The following WNK2 variants were observed in gnomAD, a reference collection of about 807,000 sequenced individuals.
WNK2 encodes serine/threonine-protein kinase WNK2.
A neutral mutation model predicts 192.1 loss-of-function variants in WNK2; 67 were observed. The observed-to-expected ratio is 0.35, with a 90% CI of 0.29 to 0.43. The LOEUF (loss-of-function observed/expected upper bound fraction) is 0.43. Among genes scored for constraint, WNK2 ranks in the 20% least tolerant of loss-of-function variants. The pLI is 1.00. For synonymous variants in WNK2, 1,439 were observed against 1,393.9 expected (o/e 1.03, Z -0.72); for missense variants, 2,698 against 3,089.7 (o/e 0.87, Z 3.01).
intron 7 of WNK2, among the ~76,000 whole-genome samples, chr9:93,241,812 G>T (rs1455831625): frequency 6.6e-6 from 1 of 152,162 alleles, no homozygotes; most frequent in African/African-American, 2.4e-5. Flanking sequence ...CATGGTGTAG[G>T]TTACGCCGTG....
chr9:93,267,738 C>T lies in WNK2; in HGVS notation c.3697-8C>T, dbSNP rs1189148522. 24 of 1,577,782 alleles carry T rather than the reference C, an allele frequency of 1.5e-5. No individual in the cohort carries two copies. Among genetic ancestry groups the T allele is most frequent in the Non-Finnish European group, 2.1e-5 (24 of 1,160,632 alleles). On this transcript the variant is annotated splice_region_variant and splice_polypyrimidine_tract_variant and intron_variant, in intron 16 of 29. Coordinates refer to ENST00000427277, the MANE Select transcript of WNK2 (RefSeq NM_006648.4). ...GCTGGTCCTCACTGGCAGTATGTCC[C>T]TTTGCAGGTGGAGCATGACTTTATC...
In WNK2 at chr9:93,292,942, T is replaced by C. The variant is rs974332807; in HGVS notation, c.5477T>C (p.Leu1826Pro). The C allele has an allele frequency of 6.5e-7, 1 of 1,531,948 alleles. No individual in the cohort carries two copies. The highest frequency in any genetic ancestry group is 8.8e-7 in the Non-Finnish European group (1 of 1,140,204). 94.9% of individuals were successfully genotyped at this position (1,531,948 alleles called of 1,614,324 possible). ...ARPPVQKQAS[L>P]PVSGSVAGDF... ...CCCCCGGTGCAGAAGCAGGCGTCCC[T>C]GCCCGTGAGTGGCAGCGTGGCTGGC... The change falls in exon 23 of 30, where the codon CTG (leucine) becomes CCG (proline). Residue 1826 changes from leucine (L) to proline (P), a missense_variant. Coordinates refer to ENST00000427277, the MANE Select transcript of WNK2 (RefSeq NM_006648.4).
chr9:93,263,240 T>G, intron 14 of WNK2: 1 of 455,756 alleles, frequency 2.2e-6, no homozygotes, highest in Admixed American at 3.7e-5. Context: ...ACAACAGTGG[T>G]GGGTGTGTTT....
Position 93,257,279 on chromosome 9 carries a change from TG to T in WNK2, c.2382+143del. On this transcript the variant is annotated intron_variant, in intron 11 of 29. Coordinates refer to ENST00000427277, the MANE Select transcript of WNK2 (RefSeq NM_006648.4). The surrounding 1 kb of genome is among the most constrained non-coding windows in gnomAD (Gnocchi z 4.7). ...GTTGGGCTGGCCAGGGAGTTGGGGC[TG>T]GGCTGGGGAGTCCGGGCTGGGCAGT... 1.1e-6 allele frequency: 1 copy of T among 897,758 alleles called. No individual in the cohort carries two copies. Among genetic ancestry groups the T allele is most frequent in the South Asian group, 1.7e-5 (1 of 59,550 alleles). The allele number at this position is 897,758 out of a possible 1,614,324, so 55.6% of individuals were successfully genotyped here. A position where few individuals can be genotyped will look rare whatever the true frequency, so the allele number is the denominator to read the frequency against.
chr9:93,264,053 G>T lies in WNK2; in HGVS notation c.3696+20G>T, dbSNP rs1023146880. 4 of 1,582,488 alleles carry T rather than the reference G, an allele frequency of 2.5e-6. No individual in the cohort carries two copies. The highest frequency in any genetic ancestry group is 3.5e-6 in the Non-Finnish European group (4 of 1,155,658). On this transcript the variant is annotated intron_variant, in intron 16 of 29. Coordinates refer to ENST00000427277, the MANE Select transcript of WNK2 (RefSeq NM_006648.4). Reference sequence around the variant, plus strand: ...TATATGGTGAGGCTGGGTCTGGGTGGCTTGGCTCCCGGTGTTTCTTGGACA... The same window carrying T: ...TATATGGTGAGGCTGGGTCTGGGTGTCTTGGCTCCCGGTGTTTCTTGGACA...
At chr9:93,318,474 A>G (rs1554759596) in intron 29 of WNK2, 2 of 1,614,086 alleles carry the variant, frequency 1.2e-6, no homozygotes, top group South Asian at 2.2e-5. Flanking sequence ...AGGGAATGTC[A>G]GTTGTTGCGC....
chr9:93,285,143 G>A (rs1848267396), intron 19 of WNK2, among the ~76,000 whole-genome samples: 1 of 152,040 alleles, frequency 6.6e-6, no homozygotes, highest in South Asian at 2.1e-4. Flanking sequence ...AAAATTACTG[G>A]GCTAAATAGC....
rs146681889 is a variant in WNK2 at position 93,208,042 on chromosome 9, C to A, written c.682-21654C>A. Among the ~76,000 whole-genome samples the A allele has an allele frequency of 1.0e-3, 158 of 152,276 alleles. 1 individual carries two copies. The East Asian group carries it at 0.021, about 20-fold the overall frequency. On this transcript the variant is annotated intron_variant, in intron 2 of 29. Coordinates refer to ENST00000427277, the MANE Select transcript of WNK2 (RefSeq NM_006648.4). Reference sequence around the variant, plus strand: ...CCTTCATCTCCTCCCCAGGCCCTGCCTCCGGTGCCTGGCTTTTCTTGCTAT... The same window carrying A: ...CCTTCATCTCCTCCCCAGGCCCTGCATCCGGTGCCTGGCTTTTCTTGCTAT...
intron 7 of WNK2, among the ~76,000 whole-genome samples, chr9:93,244,754 C>G (rs140420911): frequency 2.0e-5 from 3 of 152,232 alleles, no homozygotes; most frequent in Admixed American, 6.5e-5. Flanking sequence ...TGCATACCTG[C>G]GCCCAGGTGC....
rs1024682818 is a variant in WNK2 at position 93,292,730 on chromosome 9, C to T, written c.5265C>T (p.Asp1755=). The T allele has an allele frequency of 1.5e-5, 23 of 1,484,854 alleles. No individual in the cohort carries two copies. The highest frequency in any genetic ancestry group is 1.6e-5 in the Non-Finnish European group (18 of 1,113,292). 92.0% of individuals were successfully genotyped at this position (1,484,854 alleles called of 1,614,324 possible). The part of the protein sequence containing the change: ...VGRFSVVSTQ[D]EWTLASPHSL... ...GTTTCTCGGTGGTCAGCACTCAGGA[C>T]GAGTGGACCCTGGCCTCCCCCCACA... The change falls in exon 23 of 30, where the codon GAC becomes GAT. Residue 1755 remains aspartate, a synonymous_variant. Transcript: ENST00000427277.
rs75420448 is a variant in WNK2 at position 93,238,410 on chromosome 9, G to T, written c.1322+89G>T. 635 of 1,276,480 alleles carry T rather than the reference G, an allele frequency of 5.0e-4. 2 individuals carry two copies. In the East Asian group the frequency reaches 0.014, roughly 28 times the overall value. The allele number at this position is 1,276,480 out of a possible 1,614,324, so 79.1% of individuals were successfully genotyped here. On this transcript the variant is annotated intron_variant, in intron 6 of 29. Transcript: ENST00000427277. ...TTGAGAGCTGTGTTCTTGATGAGGG[G>T]ACTTCAAGACAGGCAGGCTCAGGCC...
intron 4 of WNK2, among the ~76,000 whole-genome samples, chr9:93,233,576 T>TAGTC (rs1272996147): frequency 6.6e-6 from 1 of 151,878 alleles, no homozygotes; most frequent in African/African-American, 2.4e-5. Context: ...CAGACGCCTG[T>TAGTC]AGTCCCAGCT....
chr9:93,295,202 G>T (rs970981548), intron 23 of WNK2, among the ~76,000 whole-genome samples: 2 of 152,126 alleles, frequency 1.3e-5, no homozygotes, highest in African/African-American at 4.8e-5. Context: ...GTCTGGGACC[G>T]CGGGAGCTGG....
At chr9:93,267,033 G>A (rs1471771674) in intron 16 of WNK2, 1 of 152,262 alleles carries the variant, frequency 6.6e-6, no homozygotes, top group Non-Finnish European at 1.5e-5. Flanking sequence ...TGAGCCCAGG[G>A]CCACATGCCC....
chr9:93,287,366 C>G (rs994348843), intron 19 of WNK2, among the ~76,000 whole-genome samples: 1 of 152,192 alleles, frequency 6.6e-6, no homozygotes, highest in South Asian at 2.1e-4. Flanking sequence ...CCTGCACGCA[C>G]TGTGCCTCAG....
chr9:93,306,928 T>TGCCTGCCCCGC (rs1852676078), intron 27 of WNK2, 107 bp downstream of exon 27: 6 of 1,415,410 alleles, frequency 4.2e-6, no homozygotes, highest in Non-Finnish European at 6.0e-6. Flanking sequence ...GCCTGCCCTG[T>TGCCTGCCCCGC]GCCTGCCCCG....
chr9:93,195,609 G>A (rs531926733), intron 2 of WNK2, among the ~76,000 whole-genome samples: 17 of 138,958 alleles, frequency 1.2e-4, no homozygotes, highest in Admixed American at 5.0e-4. Flanking sequence ...TGAGGCATTA[G>A]AATCGCTTGA....
intron 2 of WNK2, among the ~76,000 whole-genome samples, chr9:93,200,832 G>A (rs10992674): frequency 0.58 from 88,008 of 152,034 alleles, 26,130 homozygotes; most frequent in Non-Finnish European, 0.65. Flanking sequence ...ACTTGGCTAG[G>A]CGCATTTATG....
At chr9:93,187,432 TGTG>T (rs1392278734) in intron 2 of WNK2, among the ~76,000 whole-genome samples, 1 of 152,090 alleles carries the variant, frequency 6.6e-6, no homozygotes, top group Non-Finnish European at 1.5e-5. Context: ...GCCCCAAACT[TGTG>T]GTTTCCCTGC....
Sources: allele counts gnomAD v4.1 joint callset (sites outside exome capture counted in the v4.1 genomes callset), GRCh38; gene constraint gnomAD v4.1.1; non-coding constraint Gnocchi (gnomAD v3.1); transcripts MANE v1.5; gene names NCBI Gene and HGNC (gene_info 2026-07-23, HGNC 2026-07-21).